The following UNC13C variants were observed in gnomAD, a reference collection of about 807,000 sequenced individuals.
The protein encoded by UNC13C is unc-13 homolog C.
A neutral mutation model predicts 245.4 loss-of-function variants in UNC13C; 174 were observed. The ratio of observed to expected loss-of-function variants is 0.71; its 90% confidence interval spans 0.63 to 0.80. UNC13C has a LOEUF of 0.80. Ranked by LOEUF, UNC13C falls within the 30% of genes least tolerant of loss-of-function variation. UNC13C has a pLI of 0.00. For missense variants in UNC13C, 2,829 were observed against 2,602.9 expected, an observed-to-expected ratio of 1.09 and a Z score of -1.89; for synonymous variants, 992 against 895.1, an observed-to-expected ratio of 1.11 and a Z score of -1.93.
chr15:53,981,651 C>G (rs1454070521), intron 1 of UNC13C, among the ~76,000 whole-genome samples: 4 of 152,264 alleles, frequency 2.6e-5, no homozygotes, highest in Middle Eastern at 3.4e-3. Flanking sequence ...ATAGCCCTCT[C>G]AATCTGTAGC....
chr15:54,601,655 C>G (rs144680210), intron 30 of UNC13C, among the ~76,000 whole-genome samples: 2 of 152,262 alleles, frequency 1.3e-5, no homozygotes, highest in Admixed American at 6.5e-5. Flanking sequence ...TGTTCCTTAT[C>G]CATATGCTTT....
chr15:54,212,445 C>T (rs1567102234), intron 4 of UNC13C, among the ~76,000 whole-genome samples: 1 of 152,094 alleles, frequency 6.6e-6, no homozygotes, highest in Non-Finnish European at 1.5e-5. Flanking sequence ...ACAGCTCCCA[C>T]ATCAATGTAT....
chr15:54,445,893 C>T (rs1309141620), intron 19 of UNC13C, among the ~76,000 whole-genome samples: 1 of 152,156 alleles, frequency 6.6e-6, no homozygotes, highest in Non-Finnish European at 1.5e-5. Flanking sequence ...ATGGTATTGC[C>T]TAGGTTTTCT....
chr15:54,164,555 A>G (rs150742444), intron 4 of UNC13C, among the ~76,000 whole-genome samples: 3 of 152,214 alleles, frequency 2.0e-5, no homozygotes, highest in Non-Finnish European at 4.4e-5. Context: ...ACAACAGAAC[A>G]TGAGCCTTAC....
At chr15:54,034,152 G>C (rs28661088) in intron 2 of UNC13C, among the ~76,000 whole-genome samples, 3,491 of 152,232 alleles carry the variant, frequency 0.023, 140 homozygotes, top group African/African-American at 0.078. Flanking sequence ...GCAGGCTTGT[G>C]GTCAAGTTTG....
intron 2 of UNC13C, among the ~76,000 whole-genome samples, chr15:54,034,575 C>T (rs994136724): frequency 7.2e-5 from 11 of 151,992 alleles, no homozygotes; most frequent in Non-Finnish European, 1.2e-4. Context: ...CTCCTTGAAC[C>T]GAAAATGATT....
the UNC13C span, among the ~76,000 whole-genome samples, chr15:53,950,831 G>A: frequency 2.6e-5 from 4 of 152,174 alleles, no homozygotes; most frequent in Admixed American, 2.0e-4. Flanking sequence ...ACACATCTGT[G>A]TTCAAAGAGG....
chr15:54,368,671 T>A (rs535714205), intron 17 of UNC13C, among the ~76,000 whole-genome samples: 3 of 152,278 alleles, frequency 2.0e-5, no homozygotes, highest in African/African-American at 7.2e-5. Flanking sequence ...ATGTTAATTT[T>A]CTTAAGTGCT....
In UNC13C at chr15:54,181,624, G is replaced by T. The variant is rs759187277; in HGVS notation, c.3071+37940G>T. Among the ~76,000 whole-genome samples, 4 of 151,760 alleles carry T rather than the reference G, an allele frequency of 2.6e-5. No individual in the cohort carries two copies. In the South Asian group the frequency reaches 8.4e-4, roughly 32 times the overall value. On this transcript the variant is annotated intron_variant, in intron 4 of 32. Transcript: ENST00000260323. ...CAATAGGAATAGCATTGAATCTGTA[G>T]ATTGCTTTGGGCAGTATGACCACTT...
At position 54,015,370 on chromosome 15, in the gene UNC13C, G is replaced by A. The variant is rs780799698; in HGVS notation, c.2467G>A (p.Glu823Lys). ...NKSTQSLSGY[E>K]DSGSSLMGRF... ...AAGCACACAGAGTCTGAGTGGGTATGAGGACAGTGGCTCTTCATTAATGGG... is the reference window on the plus strand; with the variant it reads ...AAGCACACAGAGTCTGAGTGGGTATAAGGACAGTGGCTCTTCATTAATGGG... The change falls in exon 2 of 33, where the codon GAG becomes AAG. Residue 823 changes from glutamate (E) to lysine (K), a missense_variant. Coordinates refer to ENST00000260323, the MANE Select transcript of UNC13C (RefSeq NM_001080534.3). 5 of 1,613,854 alleles carry A rather than the reference G, an allele frequency of 3.1e-6. No homozygotes were observed. In the Admixed American group the frequency reaches 5.0e-5, roughly 16 times the overall value.
intron 18 of UNC13C, among the ~76,000 whole-genome samples, chr15:54,396,990 C>A (rs577443138): frequency 3.3e-5 from 5 of 150,978 alleles, no homozygotes; most frequent in Admixed American, 1.3e-4. Flanking sequence ...CTTACTAGTG[C>A]CTTCTGAAGA....
At chr15:54,301,678 C>T (rs2140948116) in intron 13 of UNC13C, among the ~76,000 whole-genome samples, 2 of 152,236 alleles carry the variant, frequency 1.3e-5, no homozygotes, top group African/African-American at 4.8e-5. Context: ...TTTCTTTATC[C>T]AGTTTATCAT....
chr15:54,533,229 T>A (rs1895841020), intron 26 of UNC13C, among the ~76,000 whole-genome samples, 163 bp downstream of exon 26: 13 of 152,070 alleles, frequency 8.5e-5, no homozygotes, highest in Admixed American at 7.9e-4. Context: ...AAAAGCAACA[T>A]ACCTTTAATT....
chr15:54,376,545 G>A (rs1395677136), intron 17 of UNC13C, among the ~76,000 whole-genome samples: 1 of 152,146 alleles, frequency 6.6e-6, no homozygotes, highest in Non-Finnish European at 1.5e-5. Flanking sequence ...CTAAAAATCA[G>A]TCTGACTGAT....
At chr15:54,247,510 TGTTTTCGTATG>T (rs1433427461) in intron 7 of UNC13C, among the ~76,000 whole-genome samples, 1 of 152,054 alleles carries the variant, frequency 6.6e-6, no homozygotes, top group African/African-American at 2.4e-5. Flanking sequence ...GAAAAAAGAG[TGTTTTCGTATG>T]GCATTTATTT....
At chr15:53,922,500 G>A in the UNC13C span, among the ~76,000 whole-genome samples, 1 of 152,140 alleles carries the variant, frequency 6.6e-6, no homozygotes, top group Non-Finnish European at 1.5e-5. Flanking sequence ...ATCAAATCCA[G>A]CTTTCCTGGC....
chr15:54,514,419 A>G (rs1256967389), intron 24 of UNC13C, among the ~76,000 whole-genome samples: 1 of 152,234 alleles, frequency 6.6e-6, no homozygotes, highest in Non-Finnish European at 1.5e-5. Context: ...ATTCCAGGCT[A>G]GACCTTATTC....
chr15:54,018,701 C>A (rs1457539261), intron 2 of UNC13C, among the ~76,000 whole-genome samples: 1 of 152,188 alleles, frequency 6.6e-6, no homozygotes, highest in East Asian at 1.9e-4. Flanking sequence ...CTGGAATTAA[C>A]TATTTATTGT....
At chr15:54,498,798 T>A (rs929928622) in intron 20 of UNC13C, among the ~76,000 whole-genome samples, 4 of 152,284 alleles carry the variant, frequency 2.6e-5, no homozygotes, top group African/African-American at 9.6e-5. Flanking sequence ...TGCATTATTA[T>A]AAAGATAGCA....
Sources: allele counts gnomAD v4.1 joint callset (sites outside exome capture counted in the v4.1 genomes callset), GRCh38; gene constraint gnomAD v4.1.1; transcripts MANE v1.5; gene names NCBI Gene and HGNC (gene_info 2026-07-23, HGNC 2026-07-21).